The following UNC93A variants were observed in gnomAD, a reference collection of about 807,000 sequenced individuals.
UNC93A encodes unc-93 homolog A.
Under a neutral mutation model 47.5 loss-of-function variants are expected in UNC93A, and 43 were observed. That is an observed-to-expected ratio of 0.91 (90% CI 0.71 to 1.17). UNC93A has a LOEUF of 1.17. Ranked by LOEUF, UNC93A falls within the 50% of genes most tolerant of loss-of-function variation. The pLI is 0.00. For missense variants in UNC93A, 605 were observed against 577.6 expected (o/e 1.05, Z -0.49); for synonymous variants, 280 against 258.0 (o/e 1.09, Z -0.82).
intron 1 of UNC93A, among the ~76,000 whole-genome samples, chr6:167,280,576 C>T (rs1332212624): frequency 6.6e-6 from 1 of 152,098 alleles, no homozygotes; most frequent in Non-Finnish European, 1.5e-5. Flanking sequence ...TATCTCAGTC[C>T]TTAGAGAGTC....
chr6:167,299,836 A>G (rs1432875235), intron 4 of UNC93A, among the ~76,000 whole-genome samples: 2 of 152,210 alleles, frequency 1.3e-5, no homozygotes, highest in African/African-American at 4.8e-5. Flanking sequence ...ATGGGGCACA[A>G]GACTAGCTGT....
chr6:167,271,258 G>A (rs1583054972), exon 1 of UNC93A: 1 of 152,384 alleles, frequency 6.6e-6, no homozygotes, highest in African/African-American at 2.4e-5. Flanking sequence ...CAGCAAGGGA[G>A]GGAATTGCAA....
intron 1 of UNC93A, among the ~76,000 whole-genome samples, chr6:167,273,686 G>A (rs1394897441): frequency 2.0e-5 from 3 of 152,146 alleles, no homozygotes; most frequent in Non-Finnish European, 4.4e-5. Context: ...TAGGGCATAA[G>A]GCATCAATCA....
intron 4 of UNC93A, among the ~76,000 whole-genome samples, chr6:167,299,852 T>C (rs963226338): frequency 6.6e-6 from 1 of 152,152 alleles, no homozygotes; most frequent in African/African-American, 2.4e-5. Context: ...GCTGTGGCCC[T>C]TGATGTTGTG....
chr6:167,297,069 G>A (rs927466322), intron 3 of UNC93A, among the ~76,000 whole-genome samples: 2 of 152,200 alleles, frequency 1.3e-5, no homozygotes, highest in African/African-American at 4.8e-5. Context: ...GTGATGCATA[G>A]CAATTTTTAC....
intron 4 of UNC93A, among the ~76,000 whole-genome samples, chr6:167,299,210 A>G (rs1455315760): frequency 7.3e-5 from 11 of 150,936 alleles, no homozygotes; most frequent in Admixed American, 2.0e-4. Context: ...ATGTATATAT[A>G]TATATATATA....
chr6:167,278,261 C>A (rs1366236454), intron 1 of UNC93A, among the ~76,000 whole-genome samples: 1 of 152,194 alleles, frequency 6.6e-6, no homozygotes, highest in Non-Finnish European at 1.5e-5. Context: ...GGTTTGACAA[C>A]ATGGTGTCTA....
rs553894462 is a variant in UNC93A, at chr6:167,293,932, C to T, written c.88-585C>T. Among the ~76,000 whole-genome samples, 5 of 152,308 alleles carry T rather than the reference C, an allele frequency of 3.3e-5. No homozygotes were observed. In the South Asian group the frequency reaches 6.2e-4, roughly 19 times the overall value. On this transcript the variant is annotated intron_variant, in intron 1 of 7. Transcript: ENST00000230256. ...ACCCTCGTGGCGGTGTGTGCCTGCCCGGGTTGTCTCCACCAGTGGTGGCGG... is the reference window on the plus strand; with the variant it reads ...ACCCTCGTGGCGGTGTGTGCCTGCCTGGGTTGTCTCCACCAGTGGTGGCGG...
chr6:167,269,692 C>T (rs914777132), upstream of UNC93A, among the ~76,000 whole-genome samples: 4 of 152,098 alleles, frequency 2.6e-5, no homozygotes, highest in Admixed American at 6.5e-5. Flanking sequence ...CTGCCAGCTC[C>T]GCCTCCTGGG....
chr6:167,287,232 C>A (rs1320187629), upstream of UNC93A, among the ~76,000 whole-genome samples: 1 of 152,118 alleles, frequency 6.6e-6, no homozygotes, highest in Non-Finnish European at 1.5e-5. Context: ...CCCAAAGTGC[C>A]ACTTGCTCCA....
At chr6:167,304,170 G>A in intron 5 of UNC93A, 37 bp downstream of exon 5, 1 of 1,609,282 alleles carries the variant, frequency 6.2e-7, no homozygotes, top group South Asian at 1.1e-5. Context: ...CTCAGGCCAT[G>A]CGTGGCATCA....
chr6:167,307,456 C>CAGTTCCAGAGGACGGTTGAGAT (rs11270007), intron 6 of UNC93A, among the ~76,000 whole-genome samples: 20 of 150,344 alleles, frequency 1.3e-4, no homozygotes, highest in Non-Finnish European at 2.8e-4. Context: ...TTCCAGAGGA[C>CAGTTCCAGAGGACGGTTGAGAT]GGTTCCAGAG....
At chr6:167,300,481 C>A (rs76495424) in intron 4 of UNC93A, among the ~76,000 whole-genome samples, 5 of 151,992 alleles carry the variant, frequency 3.3e-5, no homozygotes, top group Non-Finnish European at 7.4e-5. Context: ...GGAGGCTGGA[C>A]GAGGCTCTTA....
chr6:167,304,637 C>T (rs184940152), intron 5 of UNC93A, among the ~76,000 whole-genome samples: 55 of 151,998 alleles, frequency 3.6e-4, no homozygotes, highest in Non-Finnish European at 6.0e-4. Context: ...ATGGCGCCAT[C>T]TCAGCTCACC....
chr6:167,292,010 GAACTTTGACA>G (rs1170841728), intron 1 of UNC93A, among the ~76,000 whole-genome samples: 5 of 152,156 alleles, frequency 3.3e-5, no homozygotes, highest in African/African-American at 1.2e-4. Context: ...GCTAAACTGT[GAACTTTGACA>G]ACATGATCTC....
At chr6:167,278,872 G>A (rs1214535327) in intron 1 of UNC93A, among the ~76,000 whole-genome samples, 1 of 152,200 alleles carries the variant, frequency 6.6e-6, no homozygotes, top group Non-Finnish European at 1.5e-5. Flanking sequence ...CTACACGGAT[G>A]TCACCCTGAC....
At chr6:167,307,502 GTTGAGACGGTTCCAGAGGACAA>G (rs1562359038) in intron 6 of UNC93A, among the ~76,000 whole-genome samples, 4 of 151,102 alleles carry the variant, frequency 2.6e-5, no homozygotes, top group Non-Finnish European at 4.4e-5. Flanking sequence ...GGTTGAGATG[GTTGAGACGGTTCCAGAGGACAA>G]TTCCAGAGGA....
At chr6:167,286,847 G>A (rs1012356406), upstream of UNC93A, among the ~76,000 whole-genome samples, 9 of 151,706 alleles carry the variant, frequency 5.9e-5, no homozygotes, top group South Asian at 2.1e-4. Context: ...GTGTGGTGGC[G>A]GGTGCCTGTA....
At chr6:167,303,861 C>A in intron 4 of UNC93A, 58 bp from the exon 5 acceptor site, 1 of 1,570,200 alleles carries the variant, frequency 6.4e-7, no homozygotes. Flanking sequence ...CAAATCCTTG[C>A]CAGGCACCCT....
Sources: gnomAD v4.1 joint callset for allele counts (sites outside exome capture counted in the v4.1 genomes callset) on GRCh38, gnomAD v4.1.1 for gene constraint, MANE v1.5 for transcripts, NCBI Gene and HGNC (gene_info 2026-07-23, HGNC 2026-07-21) for gene names.